PDE4B: variants seen among roughly 807,000 people sequenced by gnomAD.
PDE4B encodes the protein 3',5'-cyclic-AMP phosphodiesterase 4B.
Under a neutral mutation model 82.2 loss-of-function variants are expected in PDE4B, and 20 were observed. The observed-to-expected ratio is 0.24, with a 90% CI of 0.17 to 0.35. The LOEUF (loss-of-function observed/expected upper bound fraction) is 0.35, where lower values mean the gene tolerates loss of function less well. PDE4B is among the 10% of genes least tolerant of loss of function. The probability of loss-of-function intolerance (pLI) is 1.00; values close to 1 mark genes in which losing one functional copy is unlikely to be tolerated. For synonymous variants in PDE4B, 320 were observed against 318.9 expected (o/e 1.00, Z -0.04); for missense variants, 655 against 907.2 (o/e 0.72, Z 3.57).
chr1:66,160,859 G>A (rs1380408193), intron 3 of PDE4B, among the ~76,000 whole-genome samples: 4 of 152,128 alleles, frequency 2.6e-5, no homozygotes, highest in African/African-American at 9.7e-5. Flanking sequence ...ACAAAAGGAG[G>A]TGCCTCTATC....
intron 8 of PDE4B, among the ~76,000 whole-genome samples, chr1:66,343,186 A>G (rs1661143484): frequency 6.6e-6 from 1 of 152,198 alleles, no homozygotes; most frequent in Non-Finnish European, 1.5e-5. Context: ...TAAAAAAGAG[A>G]GACTAAAATT....
At chr1:65,901,018 C>G (rs1345125004) in intron 1 of PDE4B, among the ~76,000 whole-genome samples, 1 of 152,004 alleles carries the variant, frequency 6.6e-6, no homozygotes. Context: ...GAGTGGGAAT[C>G]CTTGTCTTGC....
intron 3 of PDE4B, among the ~76,000 whole-genome samples, chr1:66,166,502 G>A (rs910219222): frequency 9.2e-5 from 14 of 152,280 alleles, no homozygotes; most frequent in Non-Finnish European, 1.6e-4. Context: ...TTGGGAGGCC[G>A]AGGTGGGCAG....
At chr1:66,208,577 G>A (rs1305496389) in intron 3 of PDE4B, among the ~76,000 whole-genome samples, 4 of 152,120 alleles carry the variant, frequency 2.6e-5, no homozygotes, top group African/African-American at 9.7e-5. Context: ...ATAGGTATGA[G>A]GAGTCTAAAA....
chr1:65,861,475 T>C (rs549196928), intron 1 of PDE4B, among the ~76,000 whole-genome samples: 1 of 152,314 alleles, frequency 6.6e-6, no homozygotes, highest in South Asian at 2.1e-4. Flanking sequence ...TGAAGTCAGG[T>C]AGTGTGATGC....
At chr1:65,984,386 T>C in intron 3 of PDE4B, among the ~76,000 whole-genome samples, 1 of 152,120 alleles carries the variant, frequency 6.6e-6, no homozygotes, top group Middle Eastern at 3.2e-3. Context: ...ACACAACTAT[T>C]CTATATCCTG....
At chr1:66,202,709 C>T (rs1322894460) in intron 3 of PDE4B, among the ~76,000 whole-genome samples, 8 of 152,052 alleles carry the variant, frequency 5.3e-5, no homozygotes, top group Non-Finnish European at 8.8e-5. Context: ...GGTAGATCTT[C>T]CTCCATCCCT....
At chr1:66,254,766 A>G (rs1017411129) in intron 4 of PDE4B, among the ~76,000 whole-genome samples, 3 of 152,150 alleles carry the variant, frequency 2.0e-5, no homozygotes, top group Admixed American at 6.5e-5. Flanking sequence ...TATCCAATTA[A>G]ATGTCAAGTT....
At chr1:65,958,756 G>A (rs758364812) in intron 3 of PDE4B, among the ~76,000 whole-genome samples, 4 of 149,094 alleles carry the variant, frequency 2.7e-5, no homozygotes, top group East Asian at 2.0e-4. Flanking sequence ...ACACGCGCGC[G>A]CGCGCGCGCA....
At chr1:65,957,701 G>T (rs1649330527) in intron 3 of PDE4B, among the ~76,000 whole-genome samples, 1 of 151,994 alleles carries the variant, frequency 6.6e-6, no homozygotes, top group African/African-American at 2.4e-5. Flanking sequence ...ATTTAGGTCT[G>T]TCAAAGTCTT....
At chr1:66,279,600 G>A (rs996671341) in intron 7 of PDE4B, among the ~76,000 whole-genome samples, 25 of 151,930 alleles carry the variant, frequency 1.6e-4, no homozygotes, top group Admixed American at 1.3e-3. Context: ...ACTCCAGAGC[G>A]AGACTCTGTC....
At chr1:66,248,380 A>G (rs185306750) in intron 4 of PDE4B, among the ~76,000 whole-genome samples, 2 of 152,300 alleles carry the variant, frequency 1.3e-5, no homozygotes, top group East Asian at 1.9e-4. Context: ...TTTATATTAT[A>G]TGTCATAAAA....
At chr1:66,118,716 T>TA (rs558666030) in intron 3 of PDE4B, among the ~76,000 whole-genome samples, 158 of 151,266 alleles carry the variant, frequency 1.0e-3, no homozygotes, top group Non-Finnish European at 1.8e-3. Flanking sequence ...AAAATATAAT[T>TA]AAAAAAAAAC....
rs1647191201 is a variant in PDE4B at position 65,918,819 on chromosome 1, A to G, written c.265A>G (p.Thr89Ala). The G allele has an allele frequency of 6.2e-7, 1 of 1,607,778 alleles. No individual in the cohort carries two copies. The highest frequency in any genetic ancestry group is 1.3e-5 in the African/African-American group (1 of 74,818). The change falls in exon 3 of 17, where the codon ACT becomes GCT. Residue 89 changes from threonine (T) to alanine (A), a missense_variant. Transcript: ENST00000341517. ...LTTLPSIAIT[T>A]VSQECFDVEN... Reference sequence around the variant, plus strand: ...AACGCTTCCAAGCATTGCTATTACAACTGTAAGCCAGGAGTGGTGAGTAGC... The same window carrying G: ...AACGCTTCCAAGCATTGCTATTACAGCTGTAAGCCAGGAGTGGTGAGTAGC...
rs1332562536 is a variant in PDE4B at position 66,009,946 on chromosome 1, TATCTATC to T, written c.281+91119_281+91125del. On this transcript the variant is annotated intron_variant, in intron 3 of 16. Coordinates refer to ENST00000341517, the MANE Select transcript of PDE4B (RefSeq NM_002600.4). ...CTATCTATCTATCTATCTATCTATC[TATCTATC>T]ATCTATCTATCTAATCTTTGGTATT... Among the ~76,000 whole-genome samples the T allele has an allele frequency of 7.4e-3, 1,091 of 147,416 alleles. 9 individuals carry two copies. Among genetic ancestry groups the T allele is most frequent in the African/African-American group, 0.027 (1,035 of 38,080 alleles).
chr1:66,283,993 C>T (rs745777448), intron 7 of PDE4B, among the ~76,000 whole-genome samples: 4 of 152,270 alleles, frequency 2.6e-5, no homozygotes, highest in Non-Finnish European at 4.4e-5. Flanking sequence ...GGCATTATGC[C>T]TGGGTAATGC....
intron 3 of PDE4B, among the ~76,000 whole-genome samples, chr1:66,061,725 A>G (rs1401441539): frequency 1.3e-5 from 2 of 152,100 alleles, no homozygotes; most frequent in Non-Finnish European, 2.9e-5. Flanking sequence ...CTGCTTACAA[A>G]TAACTGTTTT....
intron 7 of PDE4B, among the ~76,000 whole-genome samples, chr1:66,314,672 CA>C (rs1658900141): frequency 6.6e-6 from 1 of 152,168 alleles, no homozygotes; most frequent in African/African-American, 2.4e-5. Context: ...CTCAGCCTTC[CA>C]AAGTGCTGGG....
intron 3 of PDE4B, among the ~76,000 whole-genome samples, chr1:66,194,297 A>G (rs1210816453): frequency 1.3e-5 from 2 of 152,116 alleles, no homozygotes; most frequent in Non-Finnish European, 2.9e-5. Context: ...CCACAATACT[A>G]TCTAATAGCA....
Sources: gnomAD v4.1 joint callset for allele counts (sites outside exome capture counted in the v4.1 genomes callset) on GRCh38, gnomAD v4.1.1 for gene constraint, MANE v1.5 for transcripts, NCBI Gene and HGNC (gene_info 2026-07-23, HGNC 2026-07-21) for gene names.